XYLT2: variants seen among roughly 807,000 people sequenced by gnomAD.
XYLT2 encodes xylosyltransferase 2, also known as UDP-D-xylose:proteoglycan core protein beta-D-xylosyltransferase.
In XYLT2, 37 loss-of-function variants were observed where a neutral mutation model predicts 82.6. The ratio of observed to expected loss-of-function variants is 0.45; its 90% confidence interval spans 0.34 to 0.59. The LOEUF (loss-of-function observed/expected upper bound fraction) is 0.59, where lower values mean the gene tolerates loss of function less well. Ranked by LOEUF, XYLT2 falls within the 20% of genes least tolerant of loss-of-function variation. XYLT2 has a pLI of 0.01. For synonymous variants in XYLT2, 474 were observed against 499.0 expected, an observed-to-expected ratio of 0.95 and a Z score of 0.67; for missense variants, 934 against 1,181.3, an observed-to-expected ratio of 0.79 and a Z score of 3.07.
At chr17:50,358,064 T>G (rs1176243380) in intron 9 of XYLT2, 143 bp from the exon 10 acceptor site, 1 of 718,076 alleles carries the variant, frequency 1.4e-6, no homozygotes, top group African/African-American at 1.8e-5. Flanking sequence ...TCTCCTAGTC[T>G]GACCCCTTCA....
chr17:50,360,571 C>CTTTTTTTTTTTTT lies in XYLT2; in HGVS notation c.*287_*299dup, dbSNP rs386386236. ...TGTCTAGTTTGAATTTCTTTTTTTT[C>CTTTTTTTTTTTTT]TTTTTTTTTTTTTTTTTTTAATTTA... On this transcript the variant is annotated 3_prime_UTR_variant, in exon 11 of 11. Coordinates refer to ENST00000017003, the MANE Select transcript of XYLT2 (RefSeq NM_022167.4). The CTTTTTTTTTTTTT allele has an allele frequency of 7.1e-6, 7 of 979,858 alleles. No homozygotes were observed. The highest frequency in any genetic ancestry group is 6.8e-5 in the Admixed American group (1 of 14,802). 60.7% of individuals were successfully genotyped at this position (979,858 alleles called of 1,614,324 possible). A position where few individuals can be genotyped will look rare whatever the true frequency, so the allele number is the denominator to read the frequency against.
rs386386236 is a variant in XYLT2 at position 50,360,571 on chromosome 17, CTT to C, written c.*298_*299del. 13,065 of 977,644 alleles carry C rather than the reference CTT, an allele frequency of 0.013. 47 individuals carry two copies. Among genetic ancestry groups the C allele is most frequent in the Middle Eastern group, 0.05 (102 of 2,058 alleles). The allele number at this position is 977,644 out of a possible 1,614,324, so 60.6% of individuals were successfully genotyped here. A position where few individuals can be genotyped will look rare whatever the true frequency, so the allele number is the denominator to read the frequency against. On this transcript the variant is annotated 3_prime_UTR_variant, in exon 11 of 11. Transcript: ENST00000017003. ...TGTCTAGTTTGAATTTCTTTTTTTTCTTTTTTTTTTTTTTTTTTTAATTTAAA... is the reference window on the plus strand; with the variant it reads ...TGTCTAGTTTGAATTTCTTTTTTTTCTTTTTTTTTTTTTTTTTAATTTAAA...
chr17:50,356,632 C>T lies in XYLT2; in HGVS notation c.1604C>T (p.Ala535Val). Residue 535 changes from alanine (A) to valine (V), a missense_variant, in exon 8 of 11, where the codon GCC (alanine) becomes GTC (valine). Ala to Val is a moderately conservative substitution (Grantham distance 64). Coordinates refer to ENST00000017003, the MANE Select transcript of XYLT2 (RefSeq NM_022167.4). ...SYPPGTPALK[A>V]YWENTYDAAD... ...CCCCCCGGCACGCCAGCCCTCAAGGCCTACTGGGAGAACACCTACGACGCG... is the reference window on the plus strand; with the variant it reads ...CCCCCCGGCACGCCAGCCCTCAAGGTCTACTGGGAGAACACCTACGACGCG... The T allele has an allele frequency of 6.2e-7, 1 of 1,614,162 alleles. No individual in the cohort carries two copies. The highest frequency in any genetic ancestry group is 8.5e-7 in the Non-Finnish European group (1 of 1,180,022).
Position 50,360,174 on chromosome 17 carries a change from C to A in XYLT2, c.2481C>A (p.Ala827=). Reference sequence around the variant, plus strand: ...TCTGGTCCGTGGCTGGACTGTGTGCCATAGGCCCCTCTCCCTGCCCCTCCC... The same window carrying A: ...TCTGGTCCGTGGCTGGACTGTGTGCAATAGGCCCCTCTCCCTGCCCCTCCC... The part of the protein sequence containing the change: ...SSFWSVAGLC[A]IGPSPCPSLE... The change falls in exon 11 of 11, where the codon GCC becomes GCA. Residue 827 remains alanine (A), a synonymous_variant. Transcript: ENST00000017003. 1 of 1,614,068 alleles carries A rather than the reference C, an allele frequency of 6.2e-7. No homozygotes were observed. Among genetic ancestry groups the A allele is most frequent in the Non-Finnish European group, 8.5e-7 (1 of 1,179,974 alleles).
chr17:50,348,776 A>T (rs1912140481), intron 1 of XYLT2, among the ~76,000 whole-genome samples: 1 of 152,194 alleles, frequency 6.6e-6, no homozygotes, highest in Non-Finnish European at 1.5e-5. Flanking sequence ...GAGGATTTTA[A>T]TCGCCTCCTT....
At position 50,356,712 on chromosome 17, in the gene XYLT2, G is replaced by A; in HGVS notation, c.1684G>A (p.Ala562Thr). The A allele has an allele frequency of 4.4e-6, 7 of 1,605,448 alleles. No individual in the cohort carries two copies. Among genetic ancestry groups the A allele is most frequent in the South Asian group, 2.2e-5 (2 of 91,020 alleles). ...DVMLTAYTAF[A>T]RLSLHHAATA... is the part of the protein sequence containing the mutation. ...CATGCTCACTGCTTACACAGCCTTCGCCCGCCTCAGCCTGCACCATGCCGC... is the reference window on the plus strand; with the variant it reads ...CATGCTCACTGCTTACACAGCCTTCACCCGCCTCAGCCTGCACCATGCCGC... The change falls in exon 8 of 11, where the codon GCC becomes ACC. Residue 562 changes from alanine (A) to threonine (T), a missense_variant. By Grantham distance (58) the Ala-to-Thr change is moderately conservative (BLOSUM62 0). Around this residue, in one of 3 missense-constraint regions of XYLT2, gnomAD observed 374 missense variants for 465.6 expected, o/e 0.80. Coordinates refer to ENST00000017003, the MANE Select transcript of XYLT2 (RefSeq NM_022167.4).
In XYLT2 at chr17:50,360,272, C is replaced by G. The variant is rs775614861; in HGVS notation, c.2579C>G (p.Ala860Gly). 1.9e-6 allele frequency: 3 copies of G among 1,598,896 alleles called. No individual in the cohort carries two copies. In the South Asian group the frequency reaches 3.3e-5, roughly 18 times the overall value. ...DPKSELGPVK[A>G]DGRLR ...AAATCAGAGCTGGGGCCTGTCAAAG[C>G]AGACGGGCGACTCAGGTAGCAGGGC... The change falls in exon 11 of 11, where the codon GCA becomes GGA. Residue 860 changes from alanine to glycine, a missense_variant. By Grantham distance (60) the Ala-to-Gly change is moderately conservative. This residue lies in a region of XYLT2 where 374 missense variants were observed against 465.6 expected (regional missense o/e 0.80). Coordinates refer to ENST00000017003, the MANE Select transcript of XYLT2 (RefSeq NM_022167.4).
chr17:50,360,657 G>A lies in XYLT2; in HGVS notation c.*366G>A. On this transcript the variant is annotated 3_prime_UTR_variant, in exon 11 of 11. Transcript: ENST00000017003. ...CAGAAGATGTGCAATAGGGCTCAGA[G>A]CAGCCCCAGGAAGTGGGCCATGTCT... The A allele has an allele frequency of 4.0e-6, 4 of 1,011,106 alleles. No homozygotes were observed. The highest frequency in any genetic ancestry group is 5.8e-5 in the Admixed American group (1 of 17,254). The allele number at this position is 1,011,106 out of a possible 1,614,324, so 62.6% of individuals were successfully genotyped here.
Position 50,350,237 on chromosome 17 carries a change from T to C in XYLT2, c.136-3393T>C, listed in dbSNP as rs542098182. On this transcript the variant is annotated intron_variant, in intron 1 of 10. Coordinates refer to ENST00000017003, the MANE Select transcript of XYLT2 (RefSeq NM_022167.4). ...CAGTACTTACTGAATGCTGTGCCTATGCCAAAAGCTTTGCATTCATTCATT... is the reference window on the plus strand; with the variant it reads ...CAGTACTTACTGAATGCTGTGCCTACGCCAAAAGCTTTGCATTCATTCATT... 2.2e-4 allele frequency among the ~76,000 whole-genome samples: 15 copies of C among 68,234 alleles called. 4 individuals carry two copies. Among genetic ancestry groups the C allele is most frequent in the Non-Finnish European group, 4.1e-4 (13 of 31,970 alleles). The allele number at this position is 68,234 out of a possible 152,430, so 44.8% of individuals were successfully genotyped here. A position where few individuals can be genotyped will look rare whatever the true frequency, so the allele number is the denominator to read the frequency against.
rs1330480196 is a variant in XYLT2, at chr17:50,360,199, C to T, written c.2506C>T (p.Leu836=). The T allele has an allele frequency of 1.2e-6, 2 of 1,613,986 alleles. No homozygotes were observed. Among genetic ancestry groups the T allele is most frequent in the Non-Finnish European group, 1.7e-6 (2 of 1,179,990 alleles). The change falls in exon 11 of 11, where the codon CTG becomes TTG. Residue 836 remains leucine, a synonymous_variant. Transcript: ENST00000017003. Reference sequence around the variant, plus strand: ...CATAGGCCCCTCTCCCTGCCCCTCCCTGGAGCCCTGCAGACTGACCAGCTG... The same window carrying T: ...CATAGGCCCCTCTCCCTGCCCCTCCTTGGAGCCCTGCAGACTGACCAGCTG... ...CAIGPSPCPS[L]EPCRLTSWSS... is the part of the protein sequence containing the mutation.
Position 50,355,055 on chromosome 17 carries a change from A to G in XYLT2, c.1006A>G (p.Arg336Gly). 1 of 1,527,622 alleles carries G rather than the reference A, an allele frequency of 6.5e-7. No individual in the cohort carries two copies. Among genetic ancestry groups the G allele is most frequent in the Non-Finnish European group, 8.8e-7 (1 of 1,138,876 alleles). 94.6% of individuals were successfully genotyped at this position (1,527,622 alleles called of 1,614,324 possible). A position where few individuals can be genotyped will look rare whatever the true frequency, so the allele number is the denominator to read the frequency against. The part of the protein sequence containing the change: ...INLSATDYPT[R>G]TNEELVAFLS... ...CCTCAGTGCCACTGACTATCCAACC[A>G]GGTGTGGGGATGGGGCTCTGAGTCC... The change falls in exon 4 of 11, where the codon AGG (arginine) becomes GGG (glycine). Residue 336 changes from arginine (R) to glycine (G), a missense_variant and splice_region_variant. Arg to Gly is a moderately radical substitution (Grantham distance 125). Around this residue, in one of 3 missense-constraint regions of XYLT2, gnomAD observed 189 missense variants for 320.8 expected, o/e 0.59. Transcript: ENST00000017003.
Position 50,356,527 on chromosome 17 carries a change from C to G in XYLT2, c.1499C>G (p.Thr500Ser), listed in dbSNP as rs772058919. 2 of 1,614,118 alleles carry G rather than the reference C, an allele frequency of 1.2e-6. No homozygotes were observed. Among genetic ancestry groups the G allele is most frequent in the Admixed American group, 3.3e-5 (2 of 60,018 alleles). ...CCACTCCAGCAAGTCTCCAGACCCA[C>G]CTTCTTCGCCCGGAAGTTCGAGTCG... The part of the protein sequence containing the change: ...FLRLQQVSRP[T>S]FFARKFESTV... Residue 500 changes from threonine (T) to serine (S), a missense_variant, in exon 8 of 11, where the codon ACC becomes AGC. By Grantham distance (58) the Thr-to-Ser change is moderately conservative (BLOSUM62 1). Around this residue, in one of 3 missense-constraint regions of XYLT2, gnomAD observed 189 missense variants for 320.8 expected, o/e 0.59. Transcript: ENST00000017003.
chr17:50,352,453 G>A (rs1014434413), intron 1 of XYLT2, among the ~76,000 whole-genome samples: 12 of 152,256 alleles, frequency 7.9e-5, no homozygotes, highest in African/African-American at 2.4e-4. Context: ...CACTACTAGA[G>A]GAACATCCAG....
Position 50,358,341 on chromosome 17 carries a change from C to T in XYLT2, c.2076C>T (p.Asp692=). 1.9e-6 allele frequency: 3 copies of T among 1,614,040 alleles called. No individual in the cohort carries two copies. Among genetic ancestry groups the T allele is most frequent in the Non-Finnish European group, 2.5e-6 (3 of 1,180,036 alleles). ...TCACAGCCACAGTGGTCTGGATCGACCCAACCTATGTGGTGGCCACATCTT... is the reference window on the plus strand; with the variant it reads ...TCACAGCCACAGTGGTCTGGATCGATCCAACCTATGTGGTGGCCACATCTT... ...PNLTATVVWI[D]PTYVVATSYD... Residue 692 remains aspartate, a synonymous_variant, in exon 10 of 11, where the codon GAC becomes GAT. Coordinates refer to ENST00000017003, the MANE Select transcript of XYLT2 (RefSeq NM_022167.4).
At chr17:50,352,005 G>A (rs1598348790) in intron 1 of XYLT2, among the ~76,000 whole-genome samples, 2 of 152,334 alleles carry the variant, frequency 1.3e-5, no homozygotes, top group Middle Eastern at 6.8e-3. Flanking sequence ...GCAGTGGAGA[G>A]AGGAGAAAAG....
rs948823052 is a variant in XYLT2 at position 50,360,956 on chromosome 17, C to T, written c.*665C>T. ...CCAGGGCTTTCCAGCATACCCTGCC[C>T]CTGGATGGGAAAGGCAGGGTCAGGG... On this transcript the variant is annotated 3_prime_UTR_variant, in exon 11 of 11. Coordinates refer to ENST00000017003, the MANE Select transcript of XYLT2 (RefSeq NM_022167.4). The T allele has an allele frequency of 1.9e-5, 19 of 985,884 alleles. No individual in the cohort carries two copies. Among genetic ancestry groups the T allele is most frequent in the Non-Finnish European group, 2.3e-5 (19 of 830,014 alleles). The allele number at this position is 985,884 out of a possible 1,614,324, so 61.1% of individuals were successfully genotyped here. A position where few individuals can be genotyped will look rare whatever the true frequency, so the allele number is the denominator to read the frequency against.
In XYLT2 at chr17:50,354,513, T is replaced by C. The variant is rs998864656; in HGVS notation, c.734T>C (p.Ile245Thr). The C allele has an allele frequency of 6.2e-7, 1 of 1,613,538 alleles. No homozygotes were observed. The highest frequency in any genetic ancestry group is 8.5e-7 in the Non-Finnish European group (1 of 1,179,938). ...ATGCTGGTGGTTCACGGCCGCGCCA[T>C]CCGCCAGCTGAAGCGTCTCCTCAAG... ...AYMLVVHGRA[I>T]RQLKRLLKAV... Residue 245 changes from isoleucine to threonine, a missense_variant, in exon 3 of 11, where the codon ATC (isoleucine) becomes ACC (threonine). Ile to Thr is a moderately conservative substitution (Grantham distance 89). This residue lies in a region of XYLT2 where 371 missense variants were observed against 394.9 expected (regional missense o/e 0.94). Transcript: ENST00000017003.
rs1462165655 is a variant in XYLT2, at chr17:50,346,396, C to T, written c.135+121C>T. On this transcript the variant is annotated intron_variant, in intron 1 of 10. Transcript: ENST00000017003. The surrounding 1 kb of genome is among the most constrained non-coding windows in gnomAD (Gnocchi z 5.1). ...GGGCCGCGTGCGTGCGTGCGGGGCG[C>T]CGGCGGTCGCCCAGAGCGGAGCATC... is the stretch of plus-strand genomic sequence containing the variant. The T allele has an allele frequency of 2.4e-5, 23 of 966,894 alleles. No individual in the cohort carries two copies. The highest frequency in any genetic ancestry group is 2.8e-5 in the Non-Finnish European group (23 of 812,676). The allele number at this position is 966,894 out of a possible 1,614,324, so 59.9% of individuals were successfully genotyped here.
At chr17:50,359,870 G>A in intron 10 of XYLT2, 99 bp from the exon 11 acceptor site, 2 of 1,050,884 alleles carry the variant, frequency 1.9e-6, no homozygotes, top group South Asian at 3.3e-5. Context: ...CAGAAGTAGG[G>A]CTGTGACAGG....
Sources: gnomAD v4.1 joint callset for allele counts (sites outside exome capture counted in the v4.1 genomes callset) on GRCh38, gnomAD v4.1.1 for gene constraint, gnomAD v4.1.1 regional missense constraint, Gnocchi (gnomAD v3.1) non-coding constraint, MANE v1.5 for transcripts, NCBI Gene and HGNC (gene_info 2026-07-23, HGNC 2026-07-21) for gene names.